STK4: variants seen among roughly 807,000 people sequenced by gnomAD.
STK4 encodes serine/threonine kinase 4.
Under a neutral mutation model 64.9 loss-of-function variants are expected in STK4, and 30 were observed. The ratio of observed to expected loss-of-function variants is 0.46; its 90% CI spans 0.35 to 0.63. The LOEUF (loss-of-function observed/expected upper bound fraction) is 0.63. Among genes scored for constraint, STK4 ranks in the 20% least tolerant of loss-of-function variants. The pLI, the probability that STK4 is intolerant of heterozygous loss-of-function variation, is 0.01. For missense variants in STK4, 466 were observed against 598.5 expected (o/e 0.78, Z 2.31); for synonymous variants, 177 against 199.0 (o/e 0.89, Z 0.93).
intron 10 of STK4, among the ~76,000 whole-genome samples, chr20:45,051,987 C>G (rs979862677): frequency 6.6e-6 from 1 of 152,082 alleles, no homozygotes; most frequent in Non-Finnish European, 1.5e-5. Context: ...TTGCGTAATC[C>G]CAAATCCAAA....
At chr20:45,021,865 T>C (rs2068254119) in intron 9 of STK4, among the ~76,000 whole-genome samples, 1 of 152,222 alleles carries the variant, frequency 6.6e-6, no homozygotes, top group South Asian at 2.1e-4. Context: ...TATTAATAAC[T>C]GAGCATAAAT....
intron 9 of STK4, among the ~76,000 whole-genome samples, chr20:45,016,369 T>A (rs984469658): frequency 2.6e-5 from 4 of 152,190 alleles, no homozygotes; most frequent in African/African-American, 9.7e-5. Context: ...ACCACTGTGG[T>A]TCACTGTGCA....
intron 6 of STK4, 117 bp from the exon 7 acceptor site, chr20:44,997,052 C>G: frequency 1.4e-6 from 2 of 1,442,644 alleles, no homozygotes; most frequent in South Asian, 2.5e-5. Context: ...GTGAGCTTCT[C>G]AGTGGGTAAG....
intron 10 of STK4, among the ~76,000 whole-genome samples, chr20:45,051,785 G>A (rs1385014867): frequency 2.0e-5 from 3 of 152,136 alleles, no homozygotes; most frequent in East Asian, 3.8e-4. Context: ...TTGCAGGCAG[G>A]GAGACAGATT....
At chr20:44,970,507 A>AT (rs1222508620) in intron 1 of STK4, 1 of 152,154 alleles carries the variant, frequency 6.6e-6, no homozygotes, top group Non-Finnish European at 1.5e-5. Flanking sequence ...TACCAAAAAA[A>AT]CCCTGGCATA....
chr20:44,979,615 T>C (rs2067401649), intron 3 of STK4, among the ~76,000 whole-genome samples: 1 of 152,352 alleles, frequency 6.6e-6, no homozygotes, highest in Non-Finnish European at 1.5e-5. Flanking sequence ...CATTCATTCT[T>C]CTGAAGGCTT....
At chr20:45,000,628 A>T in intron 8 of STK4, 108 bp downstream of exon 8, 2 of 1,483,010 alleles carry the variant, frequency 1.3e-6, no homozygotes, top group African/African-American at 1.4e-5. Flanking sequence ...GGAGCTGGAG[A>T]TGCTTCCAGC....
intron 10 of STK4, chr20:45,053,059 A>G (rs1978297060): frequency 6.6e-7 from 1 of 1,526,272 alleles, no homozygotes; most frequent in East Asian, 2.2e-5. Context: ...TTGGAATATA[A>G]TGAGATTTTG....
At chr20:44,985,642 T>G (rs1179201352) in intron 4 of STK4, among the ~76,000 whole-genome samples, 1 of 152,150 alleles carries the variant, frequency 6.6e-6, no homozygotes, top group South Asian at 2.1e-4. Context: ...TGTGCTTGAC[T>G]TTTTTTCATA....
Position 45,075,167 on chromosome 20 carries a change from A to AAACTTCTG in STK4, c.1457_1464dup. 6.2e-7 allele frequency: 1 copy of AAACTTCTG among 1,613,750 alleles called. No homozygotes were observed. Among genetic ancestry groups the AAACTTCTG allele is most frequent in the South Asian group, 1.1e-5 (1 of 91,070 alleles). On this transcript the variant is annotated frameshift_variant, in exon 11 of 11. Transcript: ENST00000372806. LOFTEE classifies it high-confidence loss of function. ...TAGAGGCTAAGAAGAGACGGCAACA[A>AAACTTCTG]AACTTCTGAGCAAGGCCAGGCTGTG...
At chr20:45,040,689 CCA>C (rs1396013085) in intron 10 of STK4, among the ~76,000 whole-genome samples, 1 of 151,432 alleles carries the variant, frequency 6.6e-6, no homozygotes, top group African/African-American at 2.4e-5. Context: ...TAATTAGAGA[CCA>C]CAGTCTGGGT....
chr20:45,015,302 G>C (rs1268079261), intron 9 of STK4, among the ~76,000 whole-genome samples: 1 of 151,912 alleles, frequency 6.6e-6, no homozygotes, highest in Non-Finnish European at 1.5e-5. Context: ...TCCATCTGCA[G>C]TTTGAAAGGG....
chr20:44,998,963 G>T (rs986467221), intron 7 of STK4, among the ~76,000 whole-genome samples: 63 of 151,900 alleles, frequency 4.1e-4, no homozygotes, highest in Non-Finnish European at 7.9e-4. Context: ...ATCCCAGCAG[G>T]AGGCTGAGGC....
intron 10 of STK4, among the ~76,000 whole-genome samples, chr20:45,051,135 T>A (rs1006155315): frequency 6.6e-6 from 1 of 152,214 alleles, no homozygotes; most frequent in Non-Finnish European, 1.5e-5. Flanking sequence ...GAACACCGTA[T>A]TGGTTTTGGC....
intron 4 of STK4, among the ~76,000 whole-genome samples, chr20:44,985,265 C>T (rs1445730058): frequency 6.6e-6 from 1 of 152,172 alleles, no homozygotes; most frequent in Non-Finnish European, 1.5e-5. Flanking sequence ...GTTCCTCTAC[C>T]TCATTTAGTT....
chr20:45,055,709 TTTTC>T (rs990488580), intron 10 of STK4, among the ~76,000 whole-genome samples: 15 of 142,810 alleles, frequency 1.1e-4, no homozygotes, highest in Admixed American at 2.1e-4. Flanking sequence ...TTTCTTTTCT[TTTTC>T]TTTCTTTCTT....
intron 10 of STK4, among the ~76,000 whole-genome samples, chr20:45,054,824 A>T (rs550913431): frequency 1.2e-3 from 187 of 152,302 alleles, no homozygotes; most frequent in Middle Eastern, 3.4e-3. Flanking sequence ...ATGCTTAAAA[A>T]ATTCTGGCTT....
At chr20:45,036,075 A>G (rs1221165034) in intron 10 of STK4, among the ~76,000 whole-genome samples, 1 of 152,184 alleles carries the variant, frequency 6.6e-6, no homozygotes, top group African/African-American at 2.4e-5. Context: ...GTATTTTGAA[A>G]ATCACTGAGA....
rs1197376196 is a variant in STK4, at chr20:44,978,645, A to G, written c.245+74A>G. ...TATGATTGTGTAGAGTTTGATACCTAGAGACACATTTACTTAGATATTTTG... is the reference window on the plus strand; with the variant it reads ...TATGATTGTGTAGAGTTTGATACCTGGAGACACATTTACTTAGATATTTTG... On this transcript the variant is annotated intron_variant, in intron 3 of 10. Transcript: ENST00000372806. 4.7e-6 allele frequency: 7 copies of G among 1,481,354 alleles called. No homozygotes were observed. The South Asian group carries it at 8.2e-5, about 17-fold the overall frequency. 91.8% of individuals were successfully genotyped at this position (1,481,354 alleles called of 1,614,324 possible).
Sources: gnomAD v4.1 joint callset for allele counts (sites outside exome capture counted in the v4.1 genomes callset) on GRCh38, gnomAD v4.1.1 for gene constraint, MANE v1.5 for transcripts, NCBI Gene and HGNC (gene_info 2026-07-23, HGNC 2026-07-21) for gene names.